The following CEP350 variants were observed in gnomAD, a reference collection of about 807,000 sequenced individuals.
CEP350 encodes centrosomal protein 350, also known as centrosome-associated protein 350.
Under a neutral mutation model 331.8 loss-of-function variants are expected in CEP350, and 126 were observed. The observed-to-expected ratio is 0.38, with a 90% CI of 0.33 to 0.44. CEP350 has a LOEUF of 0.44. Among genes scored for constraint, CEP350 ranks in the 20% least tolerant of loss-of-function variants. The pLI is 1.00. For missense variants in CEP350, 3,406 were observed against 3,634.6 expected (o/e 0.94, Z 1.62); for synonymous variants, 1,200 against 1,259.5 (o/e 0.95, Z 1.00).
intron 10 of CEP350, among the ~76,000 whole-genome samples, chr1:180,015,001 T>G (rs764383354): frequency 6.6e-6 from 1 of 151,920 alleles, no homozygotes; most frequent in Non-Finnish European, 1.5e-5. Flanking sequence ...AAAATATTAT[T>G]AAGAAAATCA....
chr1:180,031,501 T>A lies in CEP350; in HGVS notation c.3725+7T>A, dbSNP rs2148879602. The stretch of plus-strand genomic sequence containing the variant: ...TTTCTGGACATTCTGTGAGGTAATG[T>A]ATATTTTATACTGTAATTTATATAT... On this transcript the variant is annotated splice_region_variant and intron_variant, in intron 15 of 37. Coordinates refer to ENST00000367607, the MANE Select transcript of CEP350 (RefSeq NM_014810.5). 2 of 1,304,542 alleles carry A rather than the reference T, an allele frequency of 1.5e-6. No individual in the cohort carries two copies. Among genetic ancestry groups the A allele is most frequent in the African/African-American group, 3.1e-5 (2 of 65,022 alleles). 80.8% of individuals were successfully genotyped at this position (1,304,542 alleles called of 1,614,324 possible). A position where few individuals can be genotyped will look rare whatever the true frequency, so the allele number is the denominator to read the frequency against.
intron 37 of CEP350, among the ~76,000 whole-genome samples, chr1:180,105,443 A>G (rs1381544899): frequency 6.6e-6 from 1 of 151,980 alleles, no homozygotes; most frequent in Non-Finnish European, 1.5e-5. Flanking sequence ...CCATTTGCCT[A>G]CTCAGTATCT....
intron 26 of CEP350, 95 bp downstream of exon 26, chr1:180,062,461 G>A: frequency 7.3e-7 from 1 of 1,362,138 alleles, no homozygotes. Context: ...CATTCAAGCA[G>A]TATGATACAA....
rs368104196 is a variant in CEP350, at chr1:180,095,947, G to A, written c.8919+17G>A. The A allele has an allele frequency of 1.3e-6, 2 of 1,585,650 alleles. No homozygotes were observed. Among genetic ancestry groups the A allele is most frequent in the Non-Finnish European group, 1.7e-6 (2 of 1,167,358 alleles). On this transcript the variant is annotated intron_variant, in intron 35 of 37. Transcript: ENST00000367607. ...TACAAACAGGTAGGTGAAATAAAAG[G>A]ATAATTTTAGTTTTTAAACTTTTCT...
In CEP350 at chr1:180,094,158, A is replaced by G. The variant is rs781602841; in HGVS notation, c.8053A>G (p.Thr2685Ala). ...GGTTTCCATCGCTGCAGAAGATGAC[A>G]CTTTAGACAATACCTTTTCCGAAGA... ...EKVSIAAEDD[T>A]LDNTFSEELE... Residue 2685 changes from threonine (T) to alanine (A), a missense_variant, in exon 34 of 38, where the codon ACT (threonine) becomes GCT (alanine). Physicochemically the swap from Thr to Ala is moderately conservative, Grantham distance 58. Coordinates refer to ENST00000367607, the MANE Select transcript of CEP350 (RefSeq NM_014810.5). 13 of 1,613,678 alleles carry G rather than the reference A, an allele frequency of 8.1e-6. No homozygotes were observed. In the East Asian group the frequency reaches 2.9e-4, roughly 36 times the overall value.
intron 28 of CEP350, among the ~76,000 whole-genome samples, chr1:180,077,904 C>T (rs1659332416): frequency 6.6e-6 from 1 of 151,992 alleles, no homozygotes; most frequent in African/African-American, 2.4e-5. Flanking sequence ...GAGGCCGAGG[C>T]GGGTGGATCA....
At chr1:180,103,595 T>C (rs537800598) in intron 37 of CEP350, among the ~76,000 whole-genome samples, 3 of 152,276 alleles carry the variant, frequency 2.0e-5, no homozygotes, top group African/African-American at 7.2e-5. Context: ...GTGTATTCTG[T>C]AATTTTTCTG....
chr1:179,989,698 G>A (rs527356222), intron 3 of CEP350, among the ~76,000 whole-genome samples: 1 of 152,216 alleles, frequency 6.6e-6, no homozygotes, highest in African/African-American at 2.4e-5. Flanking sequence ...ATATTGCAGA[G>A]TGTGTATGTG....
chr1:180,057,623 G>T (rs1657942277), intron 25 of CEP350, among the ~76,000 whole-genome samples: 1 of 151,670 alleles, frequency 6.6e-6, no homozygotes, highest in African/African-American at 2.4e-5. Context: ...GGCTCCAGCT[G>T]ATGGTCTCTT....
chr1:180,101,260 CTT>C (rs908644631), intron 37 of CEP350, among the ~76,000 whole-genome samples: 4 of 151,748 alleles, frequency 2.6e-5, no homozygotes, highest in African/African-American at 9.7e-5. Flanking sequence ...ACCTATATAA[CTT>C]TTTGCATGAG....
chr1:180,004,001 C>A (rs925232735), intron 7 of CEP350, among the ~76,000 whole-genome samples: 2 of 152,106 alleles, frequency 1.3e-5, no homozygotes, highest in Non-Finnish European at 2.9e-5. Context: ...AGTGTCCGAT[C>A]CAGTTTTCTT....
At chr1:180,069,126 T>G (rs916973055) in intron 27 of CEP350, among the ~76,000 whole-genome samples, 1 of 152,186 alleles carries the variant, frequency 6.6e-6, no homozygotes, top group Non-Finnish European at 1.5e-5. Context: ...TAGCTATTTT[T>G]TGGTTTGGTC....
chr1:180,092,884 A>G lies in CEP350; in HGVS notation c.6779A>G (p.Glu2260Gly). The G allele has an allele frequency of 6.4e-7, 1 of 1,569,124 alleles. No homozygotes were observed. Residue 2260 changes from glutamate (E) to glycine (G), a missense_variant, in exon 34 of 38, where the codon GAA (glutamate) becomes GGA (glycine). This residue lies in a region of CEP350 where 1,415 missense variants were observed against 1,512.3 expected (regional missense o/e 0.94). Transcript: ENST00000367607. The stretch of plus-strand genomic sequence containing the variant: ...TCTAGTAAAAAATCAGAAATAAAAG[A>G]AATAGAGTATACAAAATTGAAGAAG... ...GESSKKSEIK[E>G]IEYTKLKKSK...
chr1:179,991,705 G>GTA (rs1358601737), intron 4 of CEP350, among the ~76,000 whole-genome samples: 22 of 122,444 alleles, frequency 1.8e-4, no homozygotes, highest in East Asian at 5.3e-4. Flanking sequence ...GTGTGTGTGT[G>GTA]TGTATATATA....
At chr1:179,968,012 T>C (rs1651145057) in intron 1 of CEP350, among the ~76,000 whole-genome samples, 1 of 152,122 alleles carries the variant, frequency 6.6e-6, no homozygotes, top group Non-Finnish European at 1.5e-5. Flanking sequence ...AATGTGGCTA[T>C]ATACTGTGCG....
chr1:180,010,548 A>G (rs1373254202), intron 8 of CEP350, among the ~76,000 whole-genome samples: 1 of 151,524 alleles, frequency 6.6e-6, no homozygotes, highest in Non-Finnish European at 1.5e-5. Context: ...TTGAAGTGCT[A>G]CTACATTATT....
chr1:179,970,679 A>G (rs184925497), intron 1 of CEP350, among the ~76,000 whole-genome samples: 249 of 152,308 alleles, frequency 1.6e-3, no homozygotes, highest in African/African-American at 5.8e-3. Flanking sequence ...ACTTAGTAGG[A>G]GGCCAATAAA....
Position 179,992,147 on chromosome 1 carries a change from C to A in CEP350, c.321C>A (p.Leu107=). The A allele has an allele frequency of 6.5e-7, 1 of 1,544,680 alleles. No homozygotes were observed. The highest frequency in any genetic ancestry group is 2.4e-5 in the East Asian group (1 of 41,342). The part of the protein sequence containing the change: ...KSRKEKSRSP[L]RATTLESNVK... ...GAAAAGAGAAATCTCGTAGTCCTCTCAGGGCCACCACCCTGGAGAGTAATG... is the reference window on the plus strand; with the variant it reads ...GAAAAGAGAAATCTCGTAGTCCTCTAAGGGCCACCACCCTGGAGAGTAATG... Residue 107 remains leucine, a synonymous_variant, in exon 5 of 38, where the codon CTC becomes CTA. Coordinates refer to ENST00000367607, the MANE Select transcript of CEP350 (RefSeq NM_014810.5).
chr1:180,008,025 GTGA>G (rs1654377425), intron 8 of CEP350, among the ~76,000 whole-genome samples: 1 of 151,868 alleles, frequency 6.6e-6, no homozygotes, highest in Non-Finnish European at 1.5e-5. Context: ...ATTTTTTTCT[GTGA>G]TGATTTTTAA....
Sources: gnomAD v4.1 joint callset for allele counts (sites outside exome capture counted in the v4.1 genomes callset) on GRCh38, gnomAD v4.1.1 for gene constraint, gnomAD v4.1.1 regional missense constraint, MANE v1.5 for transcripts, NCBI Gene and HGNC (gene_info 2026-07-23, HGNC 2026-07-21) for gene names.